CCKAR: variants seen among roughly 807,000 people sequenced by gnomAD.
CCKAR encodes the protein cholecystokinin receptor type A.
CCKAR carries 21 observed loss-of-function variants against 29.8 expected under a neutral mutation model. That is an observed-to-expected ratio of 0.70 (90% CI 0.50 to 1.01). The LOEUF (loss-of-function observed/expected upper bound fraction) is 1.01. CCKAR is among the 50% of genes least tolerant of loss of function. The probability of loss-of-function intolerance (pLI) is 0.00; values close to 1 mark genes in which losing one functional copy is unlikely to be tolerated. For synonymous variants in CCKAR, 238 were observed against 221.3 expected (o/e 1.08, Z -0.67); for missense variants, 570 against 560.6 (o/e 1.02, Z -0.17).
intron 3 of CCKAR, among the ~76,000 whole-genome samples, chr4:26,485,234 G>A (rs1194468485): frequency 6.6e-6 from 1 of 151,022 alleles, no homozygotes; most frequent in Non-Finnish European, 1.5e-5. Flanking sequence ...GAAAATCATA[G>A]CTCTACAATT....
intron 2 of CCKAR, among the ~76,000 whole-genome samples, chr4:26,488,321 A>G (rs1324271313): frequency 1.3e-5 from 2 of 152,156 alleles, no homozygotes; most frequent in African/African-American, 2.4e-5. Context: ...CTGGACTCAA[A>G]TCTCAGCTCT....
intron 3 of CCKAR, among the ~76,000 whole-genome samples, chr4:26,483,908 T>C (rs1737398241): frequency 2.0e-5 from 3 of 152,186 alleles, no homozygotes; most frequent in Non-Finnish European, 2.9e-5. Context: ...AACAGAGTAA[T>C]CAAATGCTTA....
chr4:26,488,640 G>A (rs1737493148), intron 2 of CCKAR, among the ~76,000 whole-genome samples: 1 of 152,158 alleles, frequency 6.6e-6, no homozygotes, highest in African/African-American at 2.4e-5. Flanking sequence ...TCATCTAGGG[G>A]CAGAGACCTC....
chr4:26,488,336 C>T (rs1737488044), intron 2 of CCKAR, among the ~76,000 whole-genome samples: 1 of 152,204 alleles, frequency 6.6e-6, no homozygotes, highest in Non-Finnish European at 1.5e-5. Flanking sequence ...AGCTCTGTTG[C>T]TTACCATCTG....
chr4:26,481,572 T>G lies in CCKAR; in HGVS notation c.*66A>C. Reference sequence around the variant, plus strand: ...CTCTGCTCCTTCTCTTCCTGATCTCTTCTTCCGTTCTTTCTTCTCTGCCTC... The same window carrying G: ...CTCTGCTCCTTCTCTTCCTGATCTCGTCTTCCGTTCTTTCTTCTCTGCCTC... On this transcript the variant is annotated 3_prime_UTR_variant, in exon 5 of 5. Transcript: ENST00000295589. The G allele has an allele frequency of 6.4e-7, 1 of 1,550,820 alleles. No homozygotes were observed. The highest frequency in any genetic ancestry group is 8.9e-7 in the Non-Finnish European group (1 of 1,124,322).
In CCKAR at chr4:26,483,224, T is replaced by C. The variant is rs140481104; in HGVS notation, c.686A>G (p.Tyr229Cys). The C allele has an allele frequency of 1.2e-6, 2 of 1,613,588 alleles. No homozygotes were observed. Among genetic ancestry groups the C allele is most frequent in the Non-Finnish European group, 1.7e-6 (2 of 1,179,742 alleles). ...LIPGIVMMVA[Y>C]GLISLELYQG... ...GTAGAGTTCCAAAGAGATTAATCCA[T>C]ATGCCACCATCATCACAATTCCAGG... The change falls in exon 4 of 5, where the codon TAT becomes TGT. Residue 229 changes from tyrosine (Y) to cysteine (C), a missense_variant. By Grantham distance (194) the Tyr-to-Cys change is radical (BLOSUM62 -2). Transcript: ENST00000295589.
rs1057470253 is a variant in CCKAR, at chr4:26,481,455, C to G, written c.*183G>C. On this transcript the variant is annotated 3_prime_UTR_variant, in exon 5 of 5. Transcript: ENST00000295589. Reference sequence around the variant, plus strand: ...GAACTGCCTAGAAACCAATCATGGCCCCACTGGAGCAGTGCTCTGGAATCC... The same window carrying G: ...GAACTGCCTAGAAACCAATCATGGCGCCACTGGAGCAGTGCTCTGGAATCC... The G allele has an allele frequency of 9.0e-6, 6 of 663,212 alleles. No homozygotes were observed. Among genetic ancestry groups the G allele is most frequent in the Non-Finnish European group, 1.5e-5 (6 of 387,628 alleles). 41.1% of individuals were successfully genotyped at this position (663,212 alleles called of 1,614,324 possible). A position where few individuals can be genotyped will look rare whatever the true frequency, so the allele number is the denominator to read the frequency against.
chr4:26,487,893 C>T (rs547028995), intron 2 of CCKAR, among the ~76,000 whole-genome samples: 5 of 150,684 alleles, frequency 3.3e-5, no homozygotes, highest in East Asian at 3.9e-4. Context: ...TATTTAACAA[C>T]GATCTTTTTC....
Position 26,482,179 on chromosome 4 carries a change from G to A in CCKAR, c.755-9C>T, listed in dbSNP as rs202201932. 1.3e-6 allele frequency: 2 copies of A among 1,598,224 alleles called. No homozygotes were observed. The highest frequency in any genetic ancestry group is 1.7e-6 in the Non-Finnish European group (2 of 1,170,878). On this transcript the variant is annotated splice_polypyrimidine_tract_variant and intron_variant, in intron 4 of 4. Transcript: ENST00000295589. ...GGTGCTAGGTTTCCTTTCTGGGTGG[G>A]CAAGAGACATCACTCATTGCTGGGG... is the stretch of plus-strand genomic sequence containing the variant.
chr4:26,483,412 T>A, intron 3 of CCKAR, 129 bp from the exon 4 acceptor site: 1 of 799,090 alleles, frequency 1.3e-6, no homozygotes, highest in Non-Finnish European at 1.9e-6. Flanking sequence ...GTATTTAATA[T>A]CCTTGGCAAC....
chr4:26,490,340 C>G lies in CCKAR; in HGVS notation c.-73G>C, dbSNP rs1228713257. 3 of 1,030,592 alleles carry G rather than the reference C, an allele frequency of 2.9e-6. No homozygotes were observed. The highest frequency in any genetic ancestry group is 4.5e-6 in the Non-Finnish European group (3 of 660,344). The allele number at this position is 1,030,592 out of a possible 1,614,324, so 63.8% of individuals were successfully genotyped here. On this transcript the variant is annotated 5_prime_UTR_variant, in exon 1 of 5. Coordinates refer to ENST00000295589, the MANE Select transcript of CCKAR (RefSeq NM_000730.3). ...CACTCCCGGCTCATTCCTCTAATGA[C>G]CGAAGCGTCTCGCAGATGCAACCTG...
rs202205118 is a variant in CCKAR at position 26,485,674 on chromosome 4, G to A, written c.589C>T (p.Arg197Cys). The part of the protein sequence containing the change: ...KNNNQTANMC[R>C]FLLPNDVMQQ... Reference sequence around the variant, plus strand: ...ATAACATCATTTGGCAGTAGAAAGCGGCACATATTCGCGGTCTGGTTGTTA... The same window carrying A: ...ATAACATCATTTGGCAGTAGAAAGCAGCACATATTCGCGGTCTGGTTGTTA... The change falls in exon 3 of 5, where the codon CGC becomes TGC. Residue 197 changes from arginine (R) to cysteine (C), a missense_variant. Coordinates refer to ENST00000295589, the MANE Select transcript of CCKAR (RefSeq NM_000730.3). 37 of 1,613,984 alleles carry A rather than the reference G, an allele frequency of 2.3e-5. No individual in the cohort carries two copies. Among genetic ancestry groups the A allele is most frequent in the African/African-American group, 8.0e-5 (6 of 74,874 alleles).
rs200826139 is a variant in CCKAR, at chr4:26,483,216, T to C, written c.694A>G (p.Ile232Val). 9 of 1,613,746 alleles carry C rather than the reference T, an allele frequency of 5.6e-6. No homozygotes were observed. Among genetic ancestry groups the C allele is most frequent in the South Asian group, 1.1e-5 (1 of 91,062 alleles). The change falls in exon 4 of 5, where the codon ATC (isoleucine) becomes GTC (valine). Residue 232 changes from isoleucine to valine, a missense_variant. Transcript: ENST00000295589. ...GIVMMVAYGL[I>V]SLELYQGIKF... ...ATTCCCTGGTAGAGTTCCAAAGAGA[T>C]TAATCCATATGCCACCATCATCACA...
Position 26,483,152 on chromosome 4 carries a change from T to C in CCKAR, c.754+4A>G. On this transcript the variant is annotated splice_donor_region_variant and intron_variant, in intron 4 of 4. Transcript: ENST00000295589. The stretch of plus-strand genomic sequence containing the variant: ...GCATAAACACACAGCTACAAGATAG[T>C]TACCTTTAGCAGACTTCTTCTGGCT... The C allele has an allele frequency of 6.2e-7, 1 of 1,613,156 alleles. No individual in the cohort carries two copies. Among genetic ancestry groups the C allele is most frequent in the Non-Finnish European group, 8.5e-7 (1 of 1,179,706 alleles).
intron 2 of CCKAR, among the ~76,000 whole-genome samples, chr4:26,486,705 G>A (rs941943995): frequency 1.3e-5 from 2 of 152,158 alleles, no homozygotes; most frequent in Admixed American, 6.5e-5. Flanking sequence ...CTTGAGGTCA[G>A]GAGCTTGAGA....
chr4:26,489,411 G>T lies in CCKAR; in HGVS notation c.186C>A (p.Val62=). ...GCTTGTTCCGAATCAGCACGGTGAT[G>T]ACCAGCGTGTTTCCCAGCACGCTGA... is the stretch of plus-strand genomic sequence containing the variant. ...FLLSVLGNTL[V]ITVLIRNKRM... Residue 62 remains valine, a synonymous_variant, in exon 2 of 5, where the codon GTC becomes GTA. Transcript: ENST00000295589. 6.2e-7 allele frequency: 1 copy of T among 1,614,186 alleles called. No homozygotes were observed. The highest frequency in any genetic ancestry group is 8.5e-7 in the Non-Finnish European group (1 of 1,180,028).
intron 4 of CCKAR, 125 bp from the exon 5 acceptor site, chr4:26,482,295 T>C: frequency 2.4e-6 from 2 of 837,546 alleles, no homozygotes; most frequent in Non-Finnish European, 3.8e-6. Flanking sequence ...GCAGACAACC[T>C]GGCCTTACAC....
intron 2 of CCKAR, among the ~76,000 whole-genome samples, chr4:26,486,561 A>G (rs1012267041): frequency 6.6e-6 from 1 of 152,220 alleles, no homozygotes; most frequent in Non-Finnish European, 1.5e-5. Context: ...TGTATTTTGT[A>G]GAATGAGCAA....
Position 26,489,424 on chromosome 4 carries a change from C to T in CCKAR, c.173G>A (p.Gly58Glu). The change falls in exon 2 of 5, where the codon GGA becomes GAA. Residue 58 changes from glycine to glutamate, a missense_variant. Coordinates refer to ENST00000295589, the MANE Select transcript of CCKAR (RefSeq NM_000730.3). ...CAGCACGGTGATGACCAGCGTGTTT[C>T]CCAGCACGCTGAGCAGGAATATCAA... ...YSLIFLLSVL[G>E]NTLVITVLIR... 1 of 1,614,042 alleles carries T rather than the reference C, an allele frequency of 6.2e-7. No homozygotes were observed. The highest frequency in any genetic ancestry group is 1.6e-4 in the Middle Eastern group (1 of 6,062).
Sources: gnomAD v4.1 joint callset for allele counts (sites outside exome capture counted in the v4.1 genomes callset) on GRCh38, gnomAD v4.1.1 for gene constraint, MANE v1.5 for transcripts, NCBI Gene and HGNC (gene_info 2026-07-23, HGNC 2026-07-21) for gene names.